The following PANK2 variants were observed in gnomAD, a reference collection of about 807,000 sequenced individuals.
PANK2 encodes pantothenate kinase 2, mitochondrial.
A neutral mutation model predicts 43.1 loss-of-function variants in PANK2; 36 were observed. The observed-to-expected ratio is 0.84, with a 90% CI of 0.64 to 1.10. The LOEUF is 1.10. Ranked by LOEUF, PANK2 falls within the 50% of genes least tolerant of loss-of-function variation. The pLI, the probability that PANK2 is intolerant of heterozygous loss-of-function variation, is 0.00. For missense variants in PANK2, 576 were observed against 593.3 expected, an observed-to-expected ratio of 0.97 and a Z score of 0.30; for synonymous variants, 281 against 238.2, an observed-to-expected ratio of 1.18 and a Z score of -1.66.
chr20:3,896,379 A>G (rs988139642), intron 1 of PANK2, among the ~76,000 whole-genome samples: 2 of 151,890 alleles, frequency 1.3e-5, no homozygotes, highest in African/African-American at 2.4e-5. Context: ...TGCCCAGCCT[A>G]CTGAACTATG....
chr20:3,906,137 A>G (rs1453050832), intron 1 of PANK2, among the ~76,000 whole-genome samples: 1 of 152,102 alleles, frequency 6.6e-6, no homozygotes, highest in Non-Finnish European at 1.5e-5. Context: ...AAAATACTGT[A>G]AATCAGGCTG....
rs148462853 is a variant in PANK2, at chr20:3,924,427, T to A, written c.*1133T>A. The stretch of plus-strand genomic sequence containing the variant: ...GTTTAAGGCTGTGGTCAGGGAGGGA[T>A]GGGCAGGGTGCCAGCCGCATGGAGG... On this transcript the variant is annotated 3_prime_UTR_variant, in exon 7 of 7. Transcript: ENST00000610179. 1.3e-4 allele frequency: 20 copies of A among 152,372 alleles called. No homozygotes were observed. The highest frequency in any genetic ancestry group is 4.1e-4 in the African/African-American group (17 of 41,530). 9.4% of individuals were successfully genotyped at this position (152,372 alleles called of 1,614,324 possible).
At chr20:3,898,060 C>G (rs1280038592) in intron 1 of PANK2, among the ~76,000 whole-genome samples, 1 of 152,010 alleles carries the variant, frequency 6.6e-6, no homozygotes, top group Non-Finnish European at 1.5e-5. Context: ...TTTTTGGAAT[C>G]TGTTGAGATA....
chr20:3,903,611 C>G (rs116506926), intron 1 of PANK2, among the ~76,000 whole-genome samples: 14 of 150,498 alleles, frequency 9.3e-5, no homozygotes, highest in African/African-American at 3.4e-4. Flanking sequence ...GATTTCAGCG[C>G]GTTCCACCAC....
At position 3,919,400 on chromosome 20, in the gene PANK2, T is replaced by C. The variant is rs573375117; in HGVS notation, c.1332+604T>C. Reference sequence around the variant, plus strand: ...TCTATATTTTTTCTATTGCACTGACTGTGTCATTACTCTGGGTTCTGGTTT... The same window carrying C: ...TCTATATTTTTTCTATTGCACTGACCGTGTCATTACTCTGGGTTCTGGTTT... On this transcript the variant is annotated intron_variant, in intron 6 of 6. Coordinates refer to ENST00000610179, the MANE Select transcript of PANK2 (RefSeq NM_001386393.1). Among the ~76,000 whole-genome samples, 81 of 152,354 alleles carry C rather than the reference T, an allele frequency of 5.3e-4. 1 individual carries two copies. The South Asian group carries it at 9.1e-3, about 17-fold the overall frequency.
At chr20:3,897,407 C>T (rs1816057202) in intron 1 of PANK2, among the ~76,000 whole-genome samples, 1 of 152,124 alleles carries the variant, frequency 6.6e-6, no homozygotes, top group African/African-American at 2.4e-5. Context: ...CTTCTCTTAT[C>T]AGTGAGCTCT....
chr20:3,909,480 C>G (rs2090435742), intron 2 of PANK2, among the ~76,000 whole-genome samples: 1 of 152,178 alleles, frequency 6.6e-6, no homozygotes, highest in Non-Finnish European at 1.5e-5. Context: ...ATCTGCCTGC[C>G]TCGGCCTCCC....
chr20:3,915,609 T>C lies in PANK2; in HGVS notation c.1083-1318T>C, dbSNP rs542299760. On this transcript the variant is annotated intron_variant, in intron 4 of 6. Transcript: ENST00000610179. ...CCACGCCCGCCAGTTTTAGCTCTTA[T>C]ATTTAGCTCTTATATTTGATCCATT... Among the ~76,000 whole-genome samples, 19 of 152,340 alleles carry C rather than the reference T, an allele frequency of 1.2e-4. No individual in the cohort carries two copies. In the South Asian group the frequency reaches 3.5e-3, roughly 28 times the overall value.
In PANK2 at chr20:3,918,778, A is replaced by G; in HGVS notation, c.1314A>G (p.Ala438=). The change falls in exon 6 of 7, where the codon GCA becomes GCG. Residue 438 remains alanine (A), a synonymous_variant. Coordinates refer to ENST00000610179, the MANE Select transcript of PANK2 (RefSeq NM_001386393.1). Reference sequence around the variant, plus strand: ...ATTGGTCCAAGGGGCAGTTGAAAGCACTTTTTTCGGAACACGAGGTAAGCT... The same window carrying G: ...ATTGGTCCAAGGGGCAGTTGAAAGCGCTTTTTTCGGAACACGAGGTAAGCT... 6 of 1,614,234 alleles carry G rather than the reference A, an allele frequency of 3.7e-6. No homozygotes were observed. The highest frequency in any genetic ancestry group is 2.2e-5 in the East Asian group (1 of 44,894).
upstream of PANK2, chr20:3,889,176 C>T (rs1178275314): frequency 5.6e-6 from 9 of 1,608,806 alleles, no homozygotes; most frequent in East Asian, 1.1e-4. Flanking sequence ...GCTACACCGC[C>T]TTCTCTTCCT....
intron 1 of PANK2, among the ~76,000 whole-genome samples, chr20:3,892,394 A>T (rs114454040): frequency 1.3e-5 from 2 of 151,818 alleles, no homozygotes; most frequent in Admixed American, 6.6e-5. Flanking sequence ...GAACCCTCCT[A>T]GAGTATACTT....
At chr20:3,919,474 C>G (rs1006957799) in intron 6 of PANK2, among the ~76,000 whole-genome samples, 1 of 151,836 alleles carries the variant, frequency 6.6e-6, no homozygotes, top group Non-Finnish European at 1.5e-5. Flanking sequence ...AATTCTTGTG[C>G]CAGTTATTTA....
chr20:3,892,055 G>A (rs929369887), intron 1 of PANK2, among the ~76,000 whole-genome samples: 1 of 152,182 alleles, frequency 6.6e-6, no homozygotes, highest in Non-Finnish European at 1.5e-5. Context: ...GGAGAAGCAG[G>A]CTGGGCGCAG....
At chr20:3,911,444 G>A (rs1026801709) in intron 3 of PANK2, among the ~76,000 whole-genome samples, 5 of 151,194 alleles carry the variant, frequency 3.3e-5, no homozygotes, top group Non-Finnish European at 7.4e-5. Context: ...TTAGCCGGGC[G>A]CAGTGGCAGG....
At chr20:3,901,383 C>T (rs948232059) in intron 1 of PANK2, among the ~76,000 whole-genome samples, 2 of 150,890 alleles carry the variant, frequency 1.3e-5, no homozygotes, top group Admixed American at 1.4e-4. Context: ...CATTTCTTGT[C>T]AATCAGCTTT....
chr20:3,899,491 G>A (rs1205005523), intron 1 of PANK2, among the ~76,000 whole-genome samples: 1 of 149,504 alleles, frequency 6.7e-6, no homozygotes, highest in East Asian at 2.0e-4. Context: ...TTTTTCCCCA[G>A]AGTTCTATTT....
At chr20:3,923,178 CAT>C in intron 6 of PANK2, 64 bp from the exon 7 acceptor site, 1 of 1,561,718 alleles carries the variant, frequency 6.4e-7, no homozygotes, top group Non-Finnish European at 8.8e-7. Context: ...CACTAGTCAT[CAT>C]GTGTAAGGTG....
rs71647870 is a variant in PANK2, at chr20:3,925,043, G to C, written c.*1749G>C. 9.2e-5 allele frequency: 14 copies of C among 152,542 alleles called. No homozygotes were observed. Among genetic ancestry groups the C allele is most frequent in the African/African-American group, 3.4e-4 (14 of 41,594 alleles). 9.4% of individuals were successfully genotyped at this position (152,542 alleles called of 1,614,324 possible). A position where few individuals can be genotyped will look rare whatever the true frequency, so the allele number is the denominator to read the frequency against. Reference sequence around the variant, plus strand: ...CTGAACGGATGAGTAAGGCTGCCCAGGGTCACTCAGCTGGAAAAGAGTAGA... The same window carrying C: ...CTGAACGGATGAGTAAGGCTGCCCACGGTCACTCAGCTGGAAAAGAGTAGA... On this transcript the variant is annotated 3_prime_UTR_variant, in exon 7 of 7. Coordinates refer to ENST00000610179, the MANE Select transcript of PANK2 (RefSeq NM_001386393.1).
At chr20:3,889,281 A>G (rs1440283414), upstream of PANK2, 1 of 1,610,004 alleles carries the variant, frequency 6.2e-7, no homozygotes, top group Admixed American at 1.7e-5. Context: ...TCCTCGAGTT[A>G]GGGAGCCGAC....
Sources: allele counts gnomAD v4.1 joint callset (sites outside exome capture counted in the v4.1 genomes callset), GRCh38; gene constraint gnomAD v4.1.1; transcripts MANE v1.5; gene names NCBI Gene and HGNC (gene_info 2026-07-23, HGNC 2026-07-21).